ERCC2: variants seen among roughly 807,000 people sequenced by gnomAD.
ERCC2 encodes ERCC excision repair 2, TFIIH core complex helicase subunit, also known as general transcription and DNA repair factor IIH helicase subunit XPD.
In ERCC2, 90 loss-of-function variants were observed where a neutral mutation model predicts 99.4. The observed-to-expected ratio is 0.91, with a 90% CI of 0.76 to 1.08. The LOEUF (loss-of-function observed/expected upper bound fraction) is 1.08. Ranked by LOEUF, ERCC2 falls within the 50% of genes least tolerant of loss-of-function variation. ERCC2 has a pLI of 0.00. For synonymous variants in ERCC2, 497 were observed against 432.4 expected (o/e 1.15, Z -1.85); for missense variants, 993 against 1,038.1 (o/e 0.96, Z 0.60).
Position 45,353,113 on chromosome 19 carries a change from G to C in ERCC2, c.1801C>G (p.Arg601Gly). The C allele has an allele frequency of 6.2e-7, 1 of 1,613,432 alleles. No homozygotes were observed. The highest frequency in any genetic ancestry group is 1.7e-5 in the Admixed American group (1 of 60,016). The stretch of plus-strand genomic sequence containing the variant: ...TCGATTCCCTCGGACACTTTGCCCC[G>C]GGCCACTGACAGCAGGATGGCCCCG... ...GRGAILLSVA[R>G]GKVSEGIDFV... Residue 601 changes from arginine (R) to glycine (G), a missense_variant, in exon 19 of 23, where the codon CGG becomes GGG. By Grantham distance (125) the Arg-to-Gly change is moderately radical. Transcript: ENST00000391945.
rs1179345395 is a variant in ERCC2, at chr19:45,364,026, G to A, written c.909C>T (p.Ala303=). ...CGGGCAGCACGGGGTTGGCCAGGTG[G>A]GCGTCCGTCTCCCGGGCGGCGCTGG... is the stretch of plus-strand genomic sequence containing the variant. ...REASAARETD[A]HLANPVLPDE... The change falls in exon 10 of 23, where the codon GCC becomes GCT. Residue 303 remains alanine (A), a synonymous_variant. Transcript: ENST00000391945. 3.9e-6 allele frequency: 6 copies of A among 1,553,142 alleles called. No individual in the cohort carries two copies. Among genetic ancestry groups the A allele is most frequent in the African/African-American group, 1.4e-5 (1 of 73,346 alleles).
intron 11 of ERCC2, 25 bp from the exon 12 acceptor site, chr19:45,361,667 G>T: frequency 6.5e-7 from 1 of 1,535,256 alleles, no homozygotes; most frequent in East Asian, 2.3e-5. Flanking sequence ...AGACGGGGTC[G>T]GGGGGCAGAC....
chr19:45,352,367 GCA>G lies in ERCC2; in HGVS notation c.2047-17_2047-16del. 1 of 1,613,780 alleles carries G rather than the reference GCA, an allele frequency of 6.2e-7. No homozygotes were observed. The highest frequency in any genetic ancestry group is 1.7e-5 in the Admixed American group (1 of 60,010). On this transcript the variant is annotated splice_polypyrimidine_tract_variant and intron_variant, in intron 21 of 22. Coordinates refer to ENST00000391945, the MANE Select transcript of ERCC2 (RefSeq NM_000400.4). The stretch of plus-strand genomic sequence containing the variant: ...CGGGCAAACCGCTGTGGGCAGAAGC[GCA>G]GGCCAGGGACAGAAGGTCATTCGGG...
intron 2 of ERCC2, among the ~76,000 whole-genome samples, chr19:45,369,536 C>T (rs975147328): frequency 4.0e-5 from 6 of 151,878 alleles, no homozygotes; most frequent in South Asian, 2.1e-4. Flanking sequence ...GATGTGGTGG[C>T]GCGCACCTGT....
Position 45,351,232 on chromosome 19 carries a change from A to T in ERCC2, c.*397T>A. On this transcript the variant is annotated 3_prime_UTR_variant, in exon 23 of 23. Transcript: ENST00000391945. ...GGCTGGACCTGGAGCTGGAGGGTGG[A>T]TGTAACACTTGCCCCTCACCTCCCC... 1 of 1,590,008 alleles carries T rather than the reference A, an allele frequency of 6.3e-7. No homozygotes were observed. The highest frequency in any genetic ancestry group is 1.1e-5 in the South Asian group (1 of 88,672).
chr19:45,358,629 T>C (rs1368267534), intron 12 of ERCC2: 3 of 567,584 alleles, frequency 5.3e-6, no homozygotes, highest in Non-Finnish European at 9.5e-6. Context: ...TACTTGCTGG[T>C]CCCATGTGGC....
At chr19:45,355,306 G>A (rs1369116827) in intron 16 of ERCC2, among the ~76,000 whole-genome samples, 3 of 152,144 alleles carry the variant, frequency 2.0e-5, no homozygotes, top group Non-Finnish European at 2.9e-5. Flanking sequence ...GCAGTGAGCC[G>A]AGATCATGCC....
At chr19:45,354,909 C>G in intron 16 of ERCC2, 58 bp from the exon 17 acceptor site, 1 of 1,611,044 alleles carries the variant, frequency 6.2e-7, no homozygotes, top group Non-Finnish European at 8.5e-7. Flanking sequence ...CCTTCTCTGT[C>G]TTAGAACTAG....
At chr19:45,362,336 C>T (rs1972253827) in intron 11 of ERCC2, among the ~76,000 whole-genome samples, 1 of 152,216 alleles carries the variant, frequency 6.6e-6, no homozygotes, top group African/African-American at 2.4e-5. Flanking sequence ...GAGCCTCTCC[C>T]ACTGCCTCTC....
rs1430625410 is a variant in ERCC2 at position 45,353,329 on chromosome 19, G to A, written c.1671C>T (p.Ile557=). 1 of 1,613,380 alleles carries A rather than the reference G, an allele frequency of 6.2e-7. No individual in the cohort carries two copies. Among genetic ancestry groups the A allele is most frequent in the Non-Finnish European group, 8.5e-7 (1 of 1,179,620 alleles). ...STVASWYEQG[I]LENIQRNKLL... is the part of the protein sequence containing the mutation. ...GCTTGTTCCTCTGGATGTTCTCAAG[G>A]ATCCCCTGGGGAAGGACCCAGGGAG... The change falls in exon 18 of 23, where the codon ATC becomes ATT. Residue 557 remains isoleucine, a synonymous_variant. Transcript: ENST00000391945.
In ERCC2 at chr19:45,355,653, C is replaced by G; in HGVS notation, c.1543+12G>C. The G allele has an allele frequency of 1.2e-6, 2 of 1,613,358 alleles. No homozygotes were observed. Among genetic ancestry groups the G allele is most frequent in the Non-Finnish European group, 1.7e-6 (2 of 1,179,266 alleles). On this transcript the variant is annotated intron_variant, in intron 16 of 22. Coordinates refer to ENST00000391945, the MANE Select transcript of ERCC2 (RefSeq NM_000400.4). ...TTGGAACCCACAGAAACCAGCCCCA[C>G]TGGCAGCATACCAATATCCTCCCGG...
rs1349497321 is a variant in ERCC2, at chr19:45,364,452, G to A, written c.690C>T (p.Val230=). ...LVSKELARKA[V]VVFDEAHNID... Reference sequence around the variant, plus strand: ...TGTTGTGGGCCTCGTCGAAGACCACGACGGCCTTGCGGGCCAGTTCCTTGG... The same window carrying A: ...TGTTGTGGGCCTCGTCGAAGACCACAACGGCCTTGCGGGCCAGTTCCTTGG... Residue 230 remains valine (V), a synonymous_variant, in exon 8 of 23, where the codon GTC becomes GTT. Coordinates refer to ENST00000391945, the MANE Select transcript of ERCC2 (RefSeq NM_000400.4). 8 of 1,613,984 alleles carry A rather than the reference G, an allele frequency of 5.0e-6. No homozygotes were observed. The highest frequency in any genetic ancestry group is 1.7e-4 in the Middle Eastern group (1 of 6,052).
At position 45,364,364 on chromosome 19, in the gene ERCC2, G is replaced by A. The variant is rs372245861; in HGVS notation, c.719-33C>T. 3.7e-6 allele frequency: 6 copies of A among 1,613,736 alleles called. No individual in the cohort carries two copies. In the African/African-American group the frequency reaches 8.0e-5, roughly 22 times the overall value. On this transcript the variant is annotated intron_variant, in intron 8 of 22. Transcript: ENST00000391945. ...AGGGGGAGAGAGCCGGCTCAGGCAG[G>A]CCTGCAGGGGCCTCACTCAGAGGGG...
At position 45,356,469 on chromosome 19, in the gene ERCC2, C is replaced by A. The variant is rs1972016745; in HGVS notation, c.1480-741G>T. 1.3e-5 allele frequency among the ~76,000 whole-genome samples: 2 copies of A among 152,222 alleles called. 1 individual carries two copies. Among genetic ancestry groups the A allele is most frequent in the South Asian group, 4.1e-4 (2 of 4,834 alleles). Reference sequence around the variant, plus strand: ...CCCAGACCCCACTGTGGGCATCACACACCACACAGCATAGGCCTTGTCTCT... The same window carrying A: ...CCCAGACCCCACTGTGGGCATCACAAACCACACAGCATAGGCCTTGTCTCT... On this transcript the variant is annotated intron_variant, in intron 15 of 22. Coordinates refer to ENST00000391945, the MANE Select transcript of ERCC2 (RefSeq NM_000400.4).
chr19:45,359,345 A>C (rs1328348562), intron 12 of ERCC2, among the ~76,000 whole-genome samples: 1 of 152,180 alleles, frequency 6.6e-6, no homozygotes, highest in Non-Finnish European at 1.5e-5. Context: ...ACAGAGGCAG[A>C]AGCAGCAGCC....
At chr19:45,369,338 C>T (rs1004427113) in intron 2 of ERCC2, among the ~76,000 whole-genome samples, 191 bp from the exon 3 acceptor site, 9 of 152,118 alleles carry the variant, frequency 5.9e-5, no homozygotes, top group African/African-American at 1.7e-4. Context: ...AGGCAAGTAC[C>T]TTCACCTCCC....
rs753890075 is a variant in ERCC2 at position 45,357,306 on chromosome 19, G to A, written c.1443C>T (p.Phe481=). The change falls in exon 15 of 23, where the codon TTC becomes TTT. Residue 481 remains phenylalanine (F), a synonymous_variant. Transcript: ENST00000391945. ...LDFHPVTMAT[F]TMTLARVCLC... ...GGCAGACCCGTGCCAGCGTCATGGT[G>A]AAGGTTGCCATGGTGACGGGGTGGA... 4.3e-6 allele frequency: 7 copies of A among 1,614,150 alleles called. No individual in the cohort carries two copies. The East Asian group carries it at 1.6e-4, about 36-fold the overall frequency.
At position 45,351,740 on chromosome 19, in the gene ERCC2, A is replaced by AGG. The variant is rs1398482027; in HGVS notation, c.2191-21_2191-20dup. 6.2e-7 allele frequency: 1 copy of AGG among 1,611,898 alleles called. No homozygotes were observed. The highest frequency in any genetic ancestry group is 1.1e-5 in the South Asian group (1 of 90,988). On this transcript the variant is annotated intron_variant, in intron 22 of 22. Transcript: ENST00000391945. ...GATCCTCCTGCAGAGAACAGAGGAA[A>AGG]GGGAGAGGGGGGCACTGTTGGGCAG...
chr19:45,367,510 G>C (rs1180979466), intron 5 of ERCC2, among the ~76,000 whole-genome samples: 1 of 139,192 alleles, frequency 7.2e-6, no homozygotes, highest in Non-Finnish European at 1.5e-5. Context: ...CTGGCACACA[G>C]TGAGTACAAT....
Sources: allele counts gnomAD v4.1 joint callset (sites outside exome capture counted in the v4.1 genomes callset), GRCh38; gene constraint gnomAD v4.1.1; transcripts MANE v1.5; gene names NCBI Gene and HGNC (gene_info 2026-07-23, HGNC 2026-07-21).